The following ANKRD45 variants were observed in gnomAD, a reference collection of about 807,000 sequenced individuals.
The protein encoded by ANKRD45 is ankyrin repeat domain-containing protein 45.
ANKRD45 carries 21 observed loss-of-function variants against 28.1 expected under a neutral mutation model. The observed-to-expected ratio is 0.75, with a 90% confidence interval of 0.53 to 1.08. The LOEUF (loss-of-function observed/expected upper bound fraction) is 1.08, where lower values mean the gene tolerates loss of function less well. ANKRD45 is among the 50% of genes least tolerant of loss of function. The probability of loss-of-function intolerance (pLI) is 0.00; values close to 1 mark genes in which losing one functional copy is unlikely to be tolerated. For synonymous variants in ANKRD45, 86 were observed against 103.9 expected, an observed-to-expected ratio of 0.83 and a Z score of 1.05; for missense variants, 261 against 308.7, an observed-to-expected ratio of 0.85 and a Z score of 1.16.
At chr1:173,665,916 A>G (rs1429938634) in intron 1 of ANKRD45, among the ~76,000 whole-genome samples, 1 of 151,914 alleles carries the variant, frequency 6.6e-6, no homozygotes, top group Non-Finnish European at 1.5e-5. Flanking sequence ...TGGGAGGTGG[A>G]GGTGAGAGAA....
intron 1 of ANKRD45, among the ~76,000 whole-genome samples, chr1:173,659,974 C>T (rs1433978793): frequency 1.3e-5 from 2 of 152,050 alleles, no homozygotes; most frequent in African/African-American, 4.8e-5. Flanking sequence ...ATATGAAGTG[C>T]ACAAAATAAG....
intron 3 of ANKRD45, chr1:173,635,556 T>C: frequency 6.5e-7 from 1 of 1,533,756 alleles, no homozygotes; most frequent in South Asian, 1.2e-5. Flanking sequence ...ATTTTTTCTC[T>C]GTTGTTTATC....
intron 2 of ANKRD45, chr1:173,658,169 CA>C: frequency 1.2e-5 from 2 of 169,754 alleles, no homozygotes; most frequent in Non-Finnish European, 1.3e-5. Context: ...CCAAAAAATA[CA>C]AAAATTAGCC....
rs563052613 is a variant in ANKRD45 at position 173,609,280 on chromosome 1, C to G, written c.*865G>C. On this transcript the variant is annotated 3_prime_UTR_variant, in exon 6 of 6. Transcript: ENST00000333279. Reference sequence around the variant, plus strand: ...CCTTCTCCCCATAAGGGAAAACTAGCTTTCAGAACAGGACAAAGAAGAGAA... The same window carrying G: ...CCTTCTCCCCATAAGGGAAAACTAGGTTTCAGAACAGGACAAAGAAGAGAA... Among the ~76,000 whole-genome samples the G allele has an allele frequency of 1.3e-5, 2 of 152,276 alleles. No homozygotes were observed. Among genetic ancestry groups the G allele is most frequent in the South Asian group, 4.1e-4 (2 of 4,828 alleles).
At chr1:173,672,689 G>GT (rs1317843006), upstream of ANKRD45, among the ~76,000 whole-genome samples, 3 of 152,288 alleles carry the variant, frequency 2.0e-5, no homozygotes, top group African/African-American at 7.2e-5. Context: ...AAACAGCTGC[G>GT]TGATGCACCT....
intron 3 of ANKRD45, among the ~76,000 whole-genome samples, chr1:173,641,294 C>T (rs1668689005): frequency 1.3e-5 from 2 of 152,234 alleles, no homozygotes; most frequent in Non-Finnish European, 2.9e-5. Context: ...TGTCCCCTTT[C>T]CACTTGGATG....
chr1:173,700,442 C>A, the ANKRD45 span, among the ~76,000 whole-genome samples: 1 of 152,142 alleles, frequency 6.6e-6, no homozygotes. Context: ...CTACAGTAAC[C>A]AAAACAGCAT....
chr1:173,705,934 T>C, the ANKRD45 span, among the ~76,000 whole-genome samples: 1 of 152,166 alleles, frequency 6.6e-6, no homozygotes, highest in Non-Finnish European at 1.5e-5. Flanking sequence ...ACCCATTTCT[T>C]AATCAAAGTT....
In ANKRD45 at chr1:173,662,974, T is replaced by A. The variant is rs149233537; in HGVS notation, c.-15-3541A>T. 3.4e-3 allele frequency among the ~76,000 whole-genome samples: 522 copies of A among 151,982 alleles called. 4 individuals carry two copies. Among genetic ancestry groups the A allele is most frequent in the African/African-American group, 0.012 (495 of 41,432 alleles). On this transcript the variant is annotated intron_variant, in intron 1 of 5. Transcript: ENST00000333279. ...TGTCTTGTATTTGAGATGGTTTAGT[T>A]CAACTCTTTCATTTTACAGAAGAAT...
At chr1:173,675,779 G>A in the ANKRD45 span, among the ~76,000 whole-genome samples, 1 of 152,058 alleles carries the variant, frequency 6.6e-6, no homozygotes, top group African/African-American at 2.4e-5. Context: ...GACAAATCAT[G>A]GTAAGACTGA....
chr1:173,693,368 T>C, the ANKRD45 span, among the ~76,000 whole-genome samples: 1 of 152,218 alleles, frequency 6.6e-6, no homozygotes, highest in East Asian at 1.9e-4. Flanking sequence ...TTCTTTGTTA[T>C]TCTTTCTATC....
At chr1:173,618,334 TG>T (rs1445294393) in intron 5 of ANKRD45, among the ~76,000 whole-genome samples, 1 of 152,164 alleles carries the variant, frequency 6.6e-6, no homozygotes, top group Non-Finnish European at 1.5e-5. Flanking sequence ...TGGGTAATAA[TG>T]AACTTCACTG....
At chr1:173,701,412 A>T in the ANKRD45 span, among the ~76,000 whole-genome samples, 1 of 152,208 alleles carries the variant, frequency 6.6e-6, no homozygotes, top group African/African-American at 2.4e-5. Context: ...AAGACTTGGA[A>T]CCAACCCAAA....
intron 5 of ANKRD45, 80 bp downstream of exon 5, chr1:173,624,707 C>A: frequency 7.1e-7 from 1 of 1,411,924 alleles, no homozygotes. Context: ...TTGTTAAAAT[C>A]AGAATATCTC....
chr1:173,690,314 G>C, the ANKRD45 span, among the ~76,000 whole-genome samples: 2 of 152,034 alleles, frequency 1.3e-5, no homozygotes, highest in Non-Finnish European at 2.9e-5. Context: ...AATGGGATCT[G>C]AGGCAGCAGT....
At chr1:173,640,698 A>G (rs1471596757) in intron 3 of ANKRD45, among the ~76,000 whole-genome samples, 1 of 152,104 alleles carries the variant, frequency 6.6e-6, no homozygotes, top group African/African-American at 2.4e-5. Context: ...TTTCACACAA[A>G]TATTTATGCC....
At chr1:173,679,240 A>G in the ANKRD45 span, among the ~76,000 whole-genome samples, 2 of 152,200 alleles carry the variant, frequency 1.3e-5, no homozygotes, top group Non-Finnish European at 2.9e-5. Flanking sequence ...CATAGCCAAG[A>G]CAGTCCTAAG....
chr1:173,682,722 C>CACACACACACAT, the ANKRD45 span, among the ~76,000 whole-genome samples: 40 of 148,800 alleles, frequency 2.7e-4, no homozygotes, highest in Middle Eastern at 3.4e-3. Flanking sequence ...CACACACACA[C>CACACACACACAT]ATCTTGGATG....
intron 2 of ANKRD45, among the ~76,000 whole-genome samples, chr1:173,650,179 A>G (rs1475329942): frequency 6.6e-6 from 1 of 152,200 alleles, no homozygotes; most frequent in South Asian, 2.1e-4. Context: ...ATAGGTATAC[A>G]TGTGCCATGT....
Sources: gnomAD v4.1 joint callset for allele counts (sites outside exome capture counted in the v4.1 genomes callset) on GRCh38, gnomAD v4.1.1 for gene constraint, MANE v1.5 for transcripts, NCBI Gene and HGNC (gene_info 2026-07-23, HGNC 2026-07-21) for gene names.